The following CNR2 variants were observed in gnomAD, a reference collection of about 807,000 sequenced individuals.
The protein encoded by CNR2 is cannabinoid receptor 2, also known as cannabinoid receptor 2 (macrophage).
For synonymous variants in CNR2, 172 were observed against 182.2 expected, an observed-to-expected ratio of 0.94 and a Z score of 0.45; for missense variants, 379 against 439.9, an observed-to-expected ratio of 0.86 and a Z score of 1.24.
chr1:23,901,677 A>G, intron 1 of CNR2: 1 of 1,475,750 alleles, frequency 6.8e-7, no homozygotes, highest in Non-Finnish European at 9.5e-7. Flanking sequence ...GGGTGTTCAA[A>G]CCAGACCGGG....
rs985148888 is a variant in CNR2 at position 23,874,637 on chromosome 1, C to G, written c.981G>C (p.Glu327Asp). ...WKKCVRGLGS[E>D]AKEEAPRSSV... is the part of the protein sequence containing the mutation. ...AGGATCTCGGGGCTTCTTCTTTTGC[C>G]TCTGACCCAAGGCCCCTCACACACT... The change falls in exon 2 of 2, where the codon GAG (glutamate) becomes GAC (aspartate). Residue 327 changes from glutamate to aspartate, a missense_variant. Physicochemically the swap from Glu to Asp is conservative, Grantham distance 45. Transcript: ENST00000374472. 1.2e-6 allele frequency: 2 copies of G among 1,614,154 alleles called. No homozygotes were observed. The highest frequency in any genetic ancestry group is 1.7e-6 in the Non-Finnish European group (2 of 1,180,036).
At position 23,909,774 on chromosome 1, in the gene CNR2, A is replaced by G. The variant is rs184111399; in HGVS notation, c.-46+3472T>C. Among the ~76,000 whole-genome samples, 125 of 152,210 alleles carry G rather than the reference A, an allele frequency of 8.2e-4. 2 individuals are homozygous for G. In the East Asian group the frequency reaches 0.02, roughly 25 times the overall value. On this transcript the variant is annotated intron_variant, in intron 1 of 1. Transcript: ENST00000374472. The stretch of plus-strand genomic sequence containing the variant: ...TCTGAAACGCAGCCTGGCGAGCGAC[A>G]CAGTAAAGACAACCCTGATCATGAG...
At chr1:23,903,341 G>A (rs1640435156) in intron 1 of CNR2, among the ~76,000 whole-genome samples, 2 of 152,130 alleles carry the variant, frequency 1.3e-5, no homozygotes, top group Admixed American at 1.3e-4. Context: ...TTGGGAGGCT[G>A]AGGTGGGAGG....
intron 1 of CNR2, among the ~76,000 whole-genome samples, chr1:23,880,416 T>C (rs1404689484): frequency 6.6e-6 from 1 of 152,070 alleles, no homozygotes; most frequent in Non-Finnish European, 1.5e-5. Context: ...CCTCGTGATC[T>C]GCCCGCCTTA....
rs1031142727 is a variant in CNR2, at chr1:23,871,306, C to T, written c.*3229G>A. ...TTACTCAGTGCTTGTTTGTGCCAGG[C>T]ACTTGGGCATTTTCTTTGCCAAAAT... On this transcript the variant is annotated 3_prime_UTR_variant, in exon 2 of 2. Transcript: ENST00000374472. 6 of 152,046 alleles carry T rather than the reference C, an allele frequency of 3.9e-5. No homozygotes were observed. The highest frequency in any genetic ancestry group is 1.2e-4 in the African/African-American group (5 of 41,392). 9.4% of individuals were successfully genotyped at this position (152,046 alleles called of 1,614,324 possible). A position where few individuals can be genotyped will look rare whatever the true frequency, so the allele number is the denominator to read the frequency against.
chr1:23,903,967 C>A (rs892273545), intron 1 of CNR2, among the ~76,000 whole-genome samples: 1 of 152,142 alleles, frequency 6.6e-6, no homozygotes, highest in African/African-American at 2.4e-5. Flanking sequence ...CAGCTGGCTC[C>A]TGCGGCTTTC....
chr1:23,900,255 C>T (rs1002587263), intron 1 of CNR2, among the ~76,000 whole-genome samples: 2 of 152,208 alleles, frequency 1.3e-5, no homozygotes, highest in Non-Finnish European at 2.9e-5. Flanking sequence ...ACTGGCTCCC[C>T]GCAACCAAAC....
At chr1:23,879,760 C>A (rs946399774) in intron 1 of CNR2, among the ~76,000 whole-genome samples, 1 of 152,132 alleles carries the variant, frequency 6.6e-6, no homozygotes, top group Non-Finnish European at 1.5e-5. Context: ...GGCATCATCT[C>A]TTATCTGGTT....
intron 1 of CNR2, among the ~76,000 whole-genome samples, chr1:23,888,975 T>C (rs1339462298): frequency 1.3e-5 from 2 of 151,634 alleles, no homozygotes. Flanking sequence ...TTTAAAAAAA[T>C]AAATAAATAA....
chr1:23,883,591 G>A (rs1023700340), intron 1 of CNR2, among the ~76,000 whole-genome samples: 1 of 152,146 alleles, frequency 6.6e-6, no homozygotes, highest in Non-Finnish European at 1.5e-5. Context: ...TTGGGAGGCC[G>A]AAACAGGCGA....
At chr1:23,903,118 C>T (rs1640431645) in intron 1 of CNR2, among the ~76,000 whole-genome samples, 1 of 151,986 alleles carries the variant, frequency 6.6e-6, no homozygotes, top group Non-Finnish European at 1.5e-5. Flanking sequence ...GCGGGGCTGC[C>T]ACCCGTGCCC....
Position 23,890,027 on chromosome 1 carries a change from T to G in CNR2, c.-45-14365A>C, listed in dbSNP as rs186850969. Among the ~76,000 whole-genome samples, 746 of 151,996 alleles carry G rather than the reference T, an allele frequency of 4.9e-3. 1 individual carries two copies. Among genetic ancestry groups the G allele is most frequent in the Middle Eastern group, 0.01 (3 of 294 alleles). Reference sequence around the variant, plus strand: ...GGCTCTGCCTGTAATCCCAGCACTTTGGGAGGCAGAGACAGGTGGATTATT... The same window carrying G: ...GGCTCTGCCTGTAATCCCAGCACTTGGGGAGGCAGAGACAGGTGGATTATT... On this transcript the variant is annotated intron_variant, in intron 1 of 1. Transcript: ENST00000374472.
intron 1 of CNR2, among the ~76,000 whole-genome samples, chr1:23,887,144 A>C (rs1301799376): frequency 6.6e-6 from 1 of 152,142 alleles, no homozygotes; most frequent in Admixed American, 6.6e-5. Flanking sequence ...AGTGTTGTCA[A>C]GGTCACACCT....
intron 1 of CNR2, among the ~76,000 whole-genome samples, chr1:23,886,227 A>C (rs933415586): frequency 5.9e-5 from 9 of 151,344 alleles, no homozygotes; most frequent in African/African-American, 2.2e-4. Context: ...CTGGTGCATT[A>C]TAAGAGCTCA....
At chr1:23,897,930 T>C (rs1640311211) in intron 1 of CNR2, among the ~76,000 whole-genome samples, 1 of 152,240 alleles carries the variant, frequency 6.6e-6, no homozygotes, top group Non-Finnish European at 1.5e-5. Flanking sequence ...CTCTCCTGAG[T>C]GCTTCCTTTG....
At chr1:23,876,825 ACT>A (rs1639888522) in intron 1 of CNR2, among the ~76,000 whole-genome samples, 1 of 115,566 alleles carries the variant, frequency 8.7e-6, no homozygotes, top group African/African-American at 3.6e-5. Context: ...ACAGAGCAAG[ACT>A]CTGTCTCAAA....
chr1:23,904,159 T>C (rs1345992409), intron 1 of CNR2, among the ~76,000 whole-genome samples: 1 of 151,834 alleles, frequency 6.6e-6, no homozygotes, highest in East Asian at 1.9e-4. Context: ...AGAACTCTGG[T>C]TTTTTTGTTC....
rs1312405552 is a variant in CNR2 at position 23,873,339 on chromosome 1, A to C, written c.*1196T>G. ...CAACCTCTGCCTCCAGGGTTCAAGC[A>C]ATTCTCCTGTCTCAGCCTCCCGAGT... On this transcript the variant is annotated 3_prime_UTR_variant, in exon 2 of 2. Transcript: ENST00000374472. The C allele has an allele frequency of 6.6e-6, 1 of 152,138 alleles. No individual in the cohort carries two copies. The highest frequency in any genetic ancestry group is 1.5e-5 in the Non-Finnish European group (1 of 68,056). 9.4% of individuals were successfully genotyped at this position (152,138 alleles called of 1,614,324 possible). A position where few individuals can be genotyped will look rare whatever the true frequency, so the allele number is the denominator to read the frequency against.
At chr1:23,883,601 A>T (rs928465148) in intron 1 of CNR2, among the ~76,000 whole-genome samples, 2 of 152,158 alleles carry the variant, frequency 1.3e-5, no homozygotes, top group Admixed American at 6.6e-5. Context: ...GAAACAGGCG[A>T]ATTGCCTGAG....
Sources: gnomAD v4.1 joint callset for allele counts (sites outside exome capture counted in the v4.1 genomes callset) on GRCh38, gnomAD v4.1.1 for gene constraint, MANE v1.5 for transcripts, NCBI Gene and HGNC (gene_info 2026-07-23, HGNC 2026-07-21) for gene names.